The following GPRC6A variants were observed in gnomAD, a reference collection of about 807,000 sequenced individuals.
GPRC6A encodes the protein G protein-coupled receptor family C group 6 member A.
A neutral mutation model predicts 47.0 loss-of-function variants in GPRC6A; 54 were observed. The ratio of observed to expected loss-of-function variants is 1.15; its 90% confidence interval spans 0.92 to 1.44. The LOEUF (loss-of-function observed/expected upper bound fraction) is 1.44. GPRC6A is among the 40% of genes most tolerant of loss of function. The pLI is 0.00. For missense variants in GPRC6A, 1,112 were observed against 1,105.5 expected (o/e 1.01, Z -0.08); for synonymous variants, 347 against 377.1 (o/e 0.92, Z 0.93).
rs753598072 is a variant in GPRC6A at position 116,793,144 on chromosome 6, C to A, written c.1779G>T (p.Leu593Phe). Residue 593 changes from leucine to phenylalanine, a missense_variant, in exon 6 of 6, where the codon TTG becomes TTT. By Grantham distance (22) the Leu-to-Phe change is conservative (BLOSUM62 0). Coordinates refer to ENST00000310357, the MANE Select transcript of GPRC6A (RefSeq NM_148963.4). ...EVEYLNWNDSLAILLLILSLL... is the reference protein window; with the variant it reads ...EVEYLNWNDSFAILLLILSLL... The stretch of plus-strand genomic sequence containing the variant: ...GGGAGAGAATCAGGAGTAGGATGGC[C>A]AAGGAGTCATTCCAGTTGAGATATT... 6.2e-6 allele frequency: 10 copies of A among 1,613,594 alleles called. 1 individual carries two copies. The African/African-American group carries it at 1.2e-4, about 19-fold the overall frequency.
intron 1 of GPRC6A, among the ~76,000 whole-genome samples, chr6:116,810,155 G>A (rs1049068739): frequency 6.6e-6 from 1 of 152,046 alleles, no homozygotes; most frequent in African/African-American, 2.4e-5. Flanking sequence ...ATCTTGATTT[G>A]TGATTATTCC....
At position 116,802,866 on chromosome 6, in the gene GPRC6A, A is replaced by G. The variant is rs560082126; in HGVS notation, c.1336-2070T>C. ...GAGTCCTGTCGGCCTACCATATTTT[A>G]TAAAGATTAGAGGTGGTGTATATCA... On this transcript the variant is annotated intron_variant, in intron 3 of 5. Coordinates refer to ENST00000310357, the MANE Select transcript of GPRC6A (RefSeq NM_148963.4). Among the ~76,000 whole-genome samples the G allele has an allele frequency of 2.6e-5, 4 of 152,234 alleles. No individual in the cohort carries two copies. In the South Asian group the frequency reaches 8.3e-4, roughly 32 times the overall value.
intron 1 of GPRC6A, among the ~76,000 whole-genome samples, chr6:116,818,741 C>T (rs772506973): frequency 1.3e-4 from 19 of 151,010 alleles, no homozygotes; most frequent in South Asian, 4.2e-4. Context: ...GGGTACCAGC[C>T]GCTGCAAAAT....
In GPRC6A at chr6:116,800,682, C is replaced by A. The variant is rs753533865; in HGVS notation, c.1450G>T (p.Gly484Ter). Reference protein sequence around the residue: ...YDVVLWKEINGHMTVTKMAEY... With the variant: ...YDVVLWKEIN ...GCCATCTTAGTGACAGTCATGTGTC[C>A]ATTGATCTCCTTCCAGAGCACAACA... Residue 484 changes from glycine (G) to a stop codon, truncating the protein, a stop_gained, in exon 4 of 6, where the codon GGA (glycine) becomes TGA (stop). Coordinates refer to ENST00000310357, the MANE Select transcript of GPRC6A (RefSeq NM_148963.4). LOFTEE classifies it high-confidence loss of function. 1 of 1,610,564 alleles carries A rather than the reference C, an allele frequency of 6.2e-7. No individual in the cohort carries two copies. The highest frequency in any genetic ancestry group is 2.2e-5 in the East Asian group (1 of 44,844).
At chr6:116,802,985 T>C (rs1263244266) in intron 3 of GPRC6A, among the ~76,000 whole-genome samples, 3 of 152,150 alleles carry the variant, frequency 2.0e-5, no homozygotes, top group Non-Finnish European at 4.4e-5. Flanking sequence ...TGGACTAATA[T>C]GCAACTACCT....
At chr6:116,799,858 G>T (rs1310530588) in intron 4 of GPRC6A, among the ~76,000 whole-genome samples, 1 of 152,194 alleles carries the variant, frequency 6.6e-6, no homozygotes, top group Non-Finnish European at 1.5e-5. Context: ...ACCCAGAGGT[G>T]AAGTGGAGGA....
rs1772473546 is a variant in GPRC6A, at chr6:116,795,927, A to G, written c.1549-92T>C. On this transcript the variant is annotated intron_variant, in intron 4 of 5. Transcript: ENST00000310357. The stretch of plus-strand genomic sequence containing the variant: ...CTCGGCTTAACTTAAAGATATATTT[A>G]CTAAATACTATTTTGGTCTTTTTTC... 4 of 782,064 alleles carry G rather than the reference A, an allele frequency of 5.1e-6. No individual in the cohort carries two copies. The Admixed American group carries it at 1.1e-4, about 22-fold the overall frequency. 48.4% of individuals were successfully genotyped at this position (782,064 alleles called of 1,614,324 possible). A position where few individuals can be genotyped will look rare whatever the true frequency, so the allele number is the denominator to read the frequency against.
chr6:116,798,498 T>C lies in GPRC6A; in HGVS notation c.1548+2086A>G, dbSNP rs112830792. On this transcript the variant is annotated intron_variant, in intron 4 of 5. Transcript: ENST00000310357. ...GTAGGTTGTGTAGAATTTTTAAAGA[T>C]ATGGCTTTTACTCTCAGAGAAATAG... Among the ~76,000 whole-genome samples the C allele has an allele frequency of 3.2e-4, 48 of 152,226 alleles. No individual in the cohort carries two copies. In the East Asian group the frequency reaches 6.9e-3, roughly 22 times the overall value.
Position 116,806,628 on chromosome 6 carries a change from C to T in GPRC6A, c.1077G>A (p.Met359Ile), listed in dbSNP as rs751912043. Residue 359 changes from methionine to isoleucine, a missense_variant, in exon 3 of 6, where the codon ATG becomes ATA. By Grantham distance (10) the Met-to-Ile change is conservative (BLOSUM62 1). Coordinates refer to ENST00000310357, the MANE Select transcript of GPRC6A (RefSeq NM_148963.4). ...TGACATATGCGCAGGCAGATAAATG[C>T]ATGGCATATTCATGTAAGAGTTTGT... ...DSHKLLHEYA[M>I]HLSACAYVKD... 2.0e-5 allele frequency: 33 copies of T among 1,613,338 alleles called. No individual in the cohort carries two copies. Among genetic ancestry groups the T allele is most frequent in the Non-Finnish European group, 1.7e-6 (2 of 1,179,622 alleles).
chr6:116,797,750 A>G (rs1200858777), intron 4 of GPRC6A, among the ~76,000 whole-genome samples: 2 of 152,226 alleles, frequency 1.3e-5, no homozygotes, highest in Non-Finnish European at 2.9e-5. Context: ...CAAAAAGGAA[A>G]TGAATCAGAG....
Position 116,800,746 on chromosome 6 carries a change from A to T in GPRC6A, c.1386T>A (p.Phe462Leu). ...NVTFTDGWNSFHFDAHGDLNT... is the reference protein window; with the variant it reads ...NVTFTDGWNSLHFDAHGDLNT... ...TTAAATCCCCGTGAGCATCAAAATG[A>T]AATGAATTCCATCCATCAGTGAATG... The change falls in exon 4 of 6, where the codon TTT (phenylalanine) becomes TTA (leucine). Residue 462 changes from phenylalanine to leucine, a missense_variant. Physicochemically the swap from Phe to Leu is conservative, Grantham distance 22 (BLOSUM62 0). Coordinates refer to ENST00000310357, the MANE Select transcript of GPRC6A (RefSeq NM_148963.4). The T allele has an allele frequency of 6.2e-7, 1 of 1,611,786 alleles. No individual in the cohort carries two copies. The highest frequency in any genetic ancestry group is 8.5e-7 in the Non-Finnish European group (1 of 1,178,452).
chr6:116,829,017 T>C lies in GPRC6A; in HGVS notation c.-4A>G, dbSNP rs781400248. The stretch of plus-strand genomic sequence containing the variant: ...TTAGTATAATTAAGAATGCCATGTT[T>C]CTATCTCATTTGCTCAGTTCATGTG... On this transcript the variant is annotated 5_prime_UTR_variant, in exon 1 of 6. Transcript: ENST00000310357. 3 of 1,608,758 alleles carry C rather than the reference T, an allele frequency of 1.9e-6. No individual in the cohort carries two copies. The highest frequency in any genetic ancestry group is 3.4e-5 in the Admixed American group (2 of 59,476).
At chr6:116,803,334 T>G (rs772930021) in intron 3 of GPRC6A, among the ~76,000 whole-genome samples, 3 of 152,090 alleles carry the variant, frequency 2.0e-5, no homozygotes, top group Non-Finnish European at 4.4e-5. Flanking sequence ...TCTAATCAAT[T>G]CACCTTGGAT....
At chr6:116,817,091 G>C (rs1452129742) in intron 1 of GPRC6A, among the ~76,000 whole-genome samples, 3 of 152,248 alleles carry the variant, frequency 2.0e-5, no homozygotes, top group South Asian at 2.1e-4. Context: ...GCAGGGCACA[G>C]ACAAACAAAA....
intron 3 of GPRC6A, among the ~76,000 whole-genome samples, chr6:116,803,135 T>C (rs1772728949): frequency 6.6e-6 from 1 of 152,122 alleles, no homozygotes; most frequent in Non-Finnish European, 1.5e-5. Flanking sequence ...TTGTCCAATA[T>C]TGGAATCATC....
At position 116,792,923 on chromosome 6, in the gene GPRC6A, C is replaced by G. The variant is rs1313717518; in HGVS notation, c.2000G>C (p.Gly667Ala). Residue 667 changes from glycine to alanine, a missense_variant, in exon 6 of 6, where the codon GGA becomes GCA. By Grantham distance (60) the Gly-to-Ala change is moderately conservative (BLOSUM62 0). Transcript: ENST00000310357. The part of the protein sequence containing the change: ...FTCKTRQTMF[G>A]VSFTLCISCI... Reference sequence around the variant, plus strand: ...GGAGATGCAAAGAGTAAAGCTCACTCCAAACATTGTCTGCCTGGTTTTACA... The same window carrying G: ...GGAGATGCAAAGAGTAAAGCTCACTGCAAACATTGTCTGCCTGGTTTTACA... 3 of 1,614,006 alleles carry G rather than the reference C, an allele frequency of 1.9e-6. No individual in the cohort carries two copies. The highest frequency in any genetic ancestry group is 2.7e-5 in the African/African-American group (2 of 74,924).
chr6:116,822,717 G>A (rs1773535058), intron 1 of GPRC6A, among the ~76,000 whole-genome samples: 2 of 136,992 alleles, frequency 1.5e-5, no homozygotes, highest in Admixed American at 7.4e-5. Context: ...GTTGTGGGTT[G>A]GGGGAGGGGG....
At chr6:116,818,941 G>T (rs1376042658) in intron 1 of GPRC6A, among the ~76,000 whole-genome samples, 2 of 152,118 alleles carry the variant, frequency 1.3e-5, no homozygotes, top group African/African-American at 4.8e-5. Flanking sequence ...AGACTCATCA[G>T]TGTGCTGTAT....
Position 116,818,532 on chromosome 6 carries a change from T to TCAAAAAAAAAAAAAA in GPRC6A, c.195-8916_195-8915insTTTTTTTTTTTTTTG, listed in dbSNP as rs1554263527. Among the ~76,000 whole-genome samples, 12 of 15,508 alleles carry TCAAAAAAAAAAAAAA rather than the reference T, an allele frequency of 7.7e-4. 5 individuals carry two copies. Among genetic ancestry groups the TCAAAAAAAAAAAAAA allele is most frequent in the South Asian group, 7.4e-3 (2 of 270 alleles). 10.2% of individuals were successfully genotyped at this position (15,508 alleles called of 152,430 possible). A position where few individuals can be genotyped will look rare whatever the true frequency, so the allele number is the denominator to read the frequency against. ...CTGGGCGACAGAGCGAGACTCCGTC[T>TCAAAAAAAAAAAAAA]AAAAAAAAAAAAAAAAAAAAAAAAA... On this transcript the variant is annotated intron_variant, in intron 1 of 5. Coordinates refer to ENST00000310357, the MANE Select transcript of GPRC6A (RefSeq NM_148963.4).
Sources: gnomAD v4.1 joint callset for allele counts (sites outside exome capture counted in the v4.1 genomes callset) on GRCh38, gnomAD v4.1.1 for gene constraint, MANE v1.5 for transcripts, NCBI Gene and HGNC (gene_info 2026-07-23, HGNC 2026-07-21) for gene names.